The following CENPX variants were observed in gnomAD, a reference collection of about 807,000 sequenced individuals.
CENPX encodes FANCM associated histone fold protein 2.
CENPX carries 13 observed loss-of-function variants against 13.2 expected under a neutral mutation model. The observed-to-expected ratio is 0.98, with a 90% CI of 0.64 to 1.56. The LOEUF is 1.56. CENPX is among the 40% of genes most tolerant of loss of function. CENPX has a pLI of 0.00. For missense variants in CENPX, 138 were observed against 107.5 expected, an observed-to-expected ratio of 1.28 and a Z score of -1.26; for synonymous variants, 66 against 47.2, an observed-to-expected ratio of 1.40 and a Z score of -1.63.
chr17:82,022,135 C>T (rs1230765871), intron 1 of CENPX, among the ~76,000 whole-genome samples: 3 of 152,174 alleles, frequency 2.0e-5, no homozygotes, highest in Non-Finnish European at 4.4e-5. Context: ...CCGATGGGGT[C>T]CTCTGCACAT....
At chr17:82,019,258 C>A (rs1332452835) in intron 4 of CENPX, 35 bp downstream of exon 4, 2 of 1,597,362 alleles carry the variant, frequency 1.3e-6, no homozygotes, top group Non-Finnish European at 1.7e-6. Context: ...GCCAGCCGGG[C>A]ACCCCCACTT....
intron 1 of CENPX, among the ~76,000 whole-genome samples, chr17:82,021,769 C>T (rs1397539501): frequency 6.6e-6 from 1 of 152,244 alleles, no homozygotes; most frequent in Non-Finnish European, 1.5e-5. Flanking sequence ...GGCCTTTTGG[C>T]TACTTTAACC....
chr17:82,021,450 G>C (rs1390635371), intron 1 of CENPX, among the ~76,000 whole-genome samples: 2 of 152,284 alleles, frequency 1.3e-5, no homozygotes, highest in African/African-American at 2.4e-5. Context: ...GACCACGCCA[G>C]AGAGTGGCGG....
At chr17:82,021,417 G>A (rs967961289) in intron 1 of CENPX, among the ~76,000 whole-genome samples, 8 of 152,248 alleles carry the variant, frequency 5.3e-5, no homozygotes, top group African/African-American at 1.9e-4. Flanking sequence ...CCCCAACACT[G>A]CTGCCCCAGG....
In CENPX at chr17:82,019,881, T is replaced by C; in HGVS notation, c.65A>G (p.His22Arg). ...KELVSRLLHL[H>R]FKDDKTKVSG... The stretch of plus-strand genomic sequence containing the variant: ...ACCTTTGGTCTTGTCATCCTTGAAG[T>C]GCAGGTGCAGCAGCCTGCTCACCAG... Residue 22 changes from histidine (H) to arginine (R), a missense_variant, in exon 2 of 5, where the codon CAC becomes CGC. His to Arg is a conservative substitution (Grantham distance 29). Transcript: ENST00000392359. 6.3e-7 allele frequency: 1 copy of C among 1,598,262 alleles called. No homozygotes were observed. Among genetic ancestry groups the C allele is most frequent in the Non-Finnish European group, 8.6e-7 (1 of 1,169,506 alleles).
rs2043242563 is a variant in CENPX at position 82,019,641 on chromosome 17, C to G, written c.142G>C (p.Glu48Gln). The G allele has an allele frequency of 6.5e-7, 1 of 1,550,180 alleles. No homozygotes were observed. The highest frequency in any genetic ancestry group is 8.7e-7 in the Non-Finnish European group (1 of 1,146,964). Residue 48 changes from glutamate to glutamine, a missense_variant and splice_region_variant, in exon 3 of 5, where the codon GAA (glutamate) becomes CAA (glutamine). By Grantham distance (29) the Glu-to-Gln change is conservative. Coordinates refer to ENST00000392359, the MANE Select transcript of CENPX (RefSeq NM_001271006.2). ...GAGGGAGCGTGGGCCCTGGGCTCAC[C>G]CACAACGAAGACCTTCAGCAACTCC... ...MVELLKVFVV[E>Q]AAVRGVRQAQ...
intron 3 of CENPX, 77 bp downstream of exon 3, chr17:82,019,564 C>G (rs1470338833): frequency 6.5e-7 from 1 of 1,548,514 alleles, no homozygotes; most frequent in Non-Finnish European, 8.7e-7. Context: ...AACGGGAAAA[C>G]ACGTCTTGGT....
intron 1 of CENPX, among the ~76,000 whole-genome samples, chr17:82,022,361 T>C (rs1460677685): frequency 6.6e-6 from 1 of 152,026 alleles, no homozygotes; most frequent in Non-Finnish European, 1.5e-5. Flanking sequence ...CCTAGCCCAG[T>C]GCTGGCGCCC....
chr17:82,019,264 C>A (rs1307272513), intron 4 of CENPX, 29 bp downstream of exon 4: 3 of 1,597,044 alleles, frequency 1.9e-6, no homozygotes, highest in African/African-American at 2.7e-5. Flanking sequence ...CGGGCACCCC[C>A]ACTTGCGCCC....
chr17:82,019,591 C>T (rs1051767389), intron 3 of CENPX, 50 bp downstream of exon 3: 17 of 1,549,766 alleles, frequency 1.1e-5, no homozygotes, highest in East Asian at 2.4e-5. Context: ...GCTGGAAAAA[C>T]GCAAAATTCC....
Position 82,019,920 on chromosome 17 carries a change from G to C in CENPX, c.37-11C>G. 1 of 1,581,862 alleles carries C rather than the reference G, an allele frequency of 6.3e-7. No individual in the cohort carries two copies. Among genetic ancestry groups the C allele is most frequent in the Non-Finnish European group, 8.6e-7 (1 of 1,159,258 alleles). On this transcript the variant is annotated splice_polypyrimidine_tract_variant and intron_variant, in intron 1 of 4. Coordinates refer to ENST00000392359, the MANE Select transcript of CENPX (RefSeq NM_001271006.2). ...CCTGCTCACCAGCTCCTAGAAGGGA[G>C]GGGGGTGTCAGCGCCACGCCCCGCC...
At position 82,019,930 on chromosome 17, in the gene CENPX, A is replaced by C. The variant is rs769726646; in HGVS notation, c.37-21T>G. On this transcript the variant is annotated intron_variant, in intron 1 of 4. Transcript: ENST00000392359. ...AGCTCCTAGAAGGGAGGGGGGTGTC[A>C]GCGCCACGCCCCGCCCTCCCCCCCG... is the stretch of plus-strand genomic sequence containing the variant. The C allele has an allele frequency of 3.8e-6, 6 of 1,564,556 alleles. No individual in the cohort carries two copies. In the Admixed American group the frequency reaches 1.1e-4, roughly 28 times the overall value.
rs562406100 is a variant in CENPX at position 82,020,654 on chromosome 17, C to T, written c.37-745G>A. On this transcript the variant is annotated intron_variant, in intron 1 of 4. Transcript: ENST00000392359. ...CGTTGGAAAGGACCACTCTGGCTGC[C>T]ATGCCCGGGGTGGGGGGAAGGGAGG... Among the ~76,000 whole-genome samples, 494 of 152,048 alleles carry T rather than the reference C, an allele frequency of 3.2e-3. 3 individuals are homozygous for T. Among genetic ancestry groups the T allele is most frequent in the Non-Finnish European group, 3.9e-3 (262 of 67,964 alleles).
At position 82,019,301 on chromosome 17, in the gene CENPX, G is replaced by C. The variant is rs780030161; in HGVS notation, c.223C>G (p.Pro75Ala). ...VDVDQLEKVL[P>A]QLLLDF is the part of the protein sequence containing the mutation. ...GACCCACGCTCACGCACCAGCTGCG[G>C]AAGCACCTTCTCCAGCTGGTCCACG... The change falls in exon 4 of 5, where the codon CCG (proline) becomes GCG (alanine). Residue 75 changes from proline to alanine, a missense_variant. Transcript: ENST00000392359. The C allele has an allele frequency of 1.3e-5, 20 of 1,594,812 alleles. No individual in the cohort carries two copies. The East Asian group carries it at 4.1e-4, about 33-fold the overall frequency.
chr17:82,021,817 C>T (rs2043289506), intron 1 of CENPX, among the ~76,000 whole-genome samples: 1 of 152,246 alleles, frequency 6.6e-6, no homozygotes, highest in African/African-American at 2.4e-5. Context: ...TGGCCCAAGC[C>T]TCAGTGACTT....
chr17:82,022,842 C>A lies in CENPX; in HGVS notation c.20G>T (p.Gly7Val), dbSNP rs143665277. 2.5e-6 allele frequency: 4 copies of A among 1,593,176 alleles called. No individual in the cohort carries two copies. The highest frequency in any genetic ancestry group is 2.6e-6 in the Non-Finnish European group (3 of 1,172,502). MEGAGA[G>V]SGFRKELVSR... ...GGCCCTCACCTTCCGGAAGCCGGAT[C>A]CAGCTCCTGCTCCCTCCATGACCGC... The change falls in exon 1 of 5, where the codon GGA becomes GTA. Residue 7 changes from glycine (G) to valine (V), a missense_variant. Coordinates refer to ENST00000392359, the MANE Select transcript of CENPX (RefSeq NM_001271006.2).
In CENPX at chr17:82,021,670, C is replaced by T. The variant is rs2043284995; in HGVS notation, c.36+1156G>A. On this transcript the variant is annotated intron_variant, in intron 1 of 4. Coordinates refer to ENST00000392359, the MANE Select transcript of CENPX (RefSeq NM_001271006.2). Reference sequence around the variant, plus strand: ...GCAATGACCACAACTCCAGCTCTGGCCAGAGCCCCTGGGCCTCTAGTTGTC... The same window carrying T: ...GCAATGACCACAACTCCAGCTCTGGTCAGAGCCCCTGGGCCTCTAGTTGTC... Among the ~76,000 whole-genome samples the T allele has an allele frequency of 2.0e-5, 3 of 152,250 alleles. No homozygotes were observed. The South Asian group carries it at 6.2e-4, about 31-fold the overall frequency.
intron 1 of CENPX, chr17:82,022,606 C>T: frequency 1.7e-6 from 1 of 599,566 alleles, no homozygotes; most frequent in South Asian, 2.0e-5. Context: ...CTCCACCTTC[C>T]CGCAGCCCCG....
intron 1 of CENPX, 34 bp from the exon 2 acceptor site, chr17:82,019,943 GCCCTCCCC>G (rs1299054324): frequency 5.6e-6 from 7 of 1,256,762 alleles, no homozygotes; most frequent in Non-Finnish European, 7.6e-6. Context: ...GCCACGCCCC[GCCCTCCCC>G]CCCGCACCCC....
Sources: gnomAD v4.1 joint callset for allele counts (sites outside exome capture counted in the v4.1 genomes callset) on GRCh38, gnomAD v4.1.1 for gene constraint, MANE v1.5 for transcripts, NCBI Gene and HGNC (gene_info 2026-07-23, HGNC 2026-07-21) for gene names.